The following AHNAK variants were observed in gnomAD, a reference collection of about 807,000 sequenced individuals.
The protein encoded by AHNAK is AHNAK nucleoprotein, also known as neuroblast differentiation-associated protein AHNAK.
Under a neutral mutation model 37.8 loss-of-function variants are expected in AHNAK, and 23 were observed. The ratio of observed to expected loss-of-function variants is 0.61; its 90% CI spans 0.44 to 0.86. The LOEUF is 0.86. AHNAK is among the 40% of genes least tolerant of loss of function. AHNAK has a pLI of 0.00. For synonymous variants in AHNAK, 2,481 were observed against 2,636.3 expected (o/e 0.94, Z 1.80); for missense variants, 7,411 against 7,319.4 (o/e 1.01, Z -0.46).
Position 62,521,045 on chromosome 11 carries a change from T to G in AHNAK, c.13372A>C (p.Lys4458Gln), listed in dbSNP as rs199522206. The change falls in exon 5 of 5, where the codon AAA (lysine) becomes CAA (glutamine). Residue 4458 changes from lysine to glutamine, a missense_variant. Coordinates refer to ENST00000378024, the MANE Select transcript of AHNAK (RefSeq NM_001620.3). ...AAATCAAAGTCAGGCATAGAGATTTTGGGAGCTTTGATGTTCATCTCAGGC... is the reference window on the plus strand; with the variant it reads ...AAATCAAAGTCAGGCATAGAGATTTGGGGAGCTTTGATGTTCATCTCAGGC... The part of the protein sequence containing the change: ...KMPEMNIKAP[K>Q]ISMPDFDLHL... 1.3e-5 allele frequency: 21 copies of G among 1,614,092 alleles called. No homozygotes were observed. In the African/African-American group the frequency reaches 2.4e-4, roughly 18 times the overall value.
chr11:62,518,638 G>C lies in AHNAK; in HGVS notation c.15779C>G (p.Pro5260Arg). The C allele has an allele frequency of 6.2e-7, 1 of 1,614,168 alleles. No individual in the cohort carries two copies. The highest frequency in any genetic ancestry group is 1.1e-5 in the South Asian group (1 of 91,078). ...TCCTCTCAAGTCTCCTTCAAGAGAG[G>C]GTAGCTGGGCATGGACCTCGGCTCC... Reference protein sequence around the residue: ...GGGAEVHAQLPSLEGDLRGPD... With the variant: ...GGGAEVHAQLRSLEGDLRGPD... The change falls in exon 5 of 5, where the codon CCC becomes CGC. Residue 5260 changes from proline to arginine, a missense_variant. By Grantham distance (103) the Pro-to-Arg change is moderately radical. Coordinates refer to ENST00000378024, the MANE Select transcript of AHNAK (RefSeq NM_001620.3).
rs772232674 is a variant in AHNAK at position 62,523,856 on chromosome 11, C to A, written c.10561G>T (p.Gly3521Cys). 6.8e-6 allele frequency: 11 copies of A among 1,614,006 alleles called. No individual in the cohort carries two copies. The highest frequency in any genetic ancestry group is 7.6e-6 in the Non-Finnish European group (9 of 1,180,014). Residue 3521 changes from glycine (G) to cysteine (C), a missense_variant, in exon 5 of 5, where the codon GGT (glycine) becomes TGT (cysteine). Coordinates refer to ENST00000378024, the MANE Select transcript of AHNAK (RefSeq NM_001620.3). ...NIEGPDLNVE[G>C]PEGGLKGPKF... ...GGACCTTTCAAGCCTCCCTCCGGAC[C>A]TTCCACATTGAGATCTGGGCCCTCA... is the stretch of plus-strand genomic sequence containing the variant.
rs1169277678 is a variant in AHNAK, at chr11:62,521,636, C to T, written c.12781G>A (p.Asp4261Asn). Residue 4261 changes from aspartate (D) to asparagine (N), a missense_variant, in exon 5 of 5, where the codon GAC (aspartate) becomes AAC (asparagine). Transcript: ENST00000378024. ...GGACCTTTCAGATGCAAATCAAAGT[C>T]AGGCATGGAGATCTTGGGGGCTTTG... ...NIKAPKISMP[D>N]FDLHLKGPKV... 6.8e-6 allele frequency: 11 copies of T among 1,613,698 alleles called. No individual in the cohort carries two copies. Among genetic ancestry groups the T allele is most frequent in the Non-Finnish European group, 9.3e-6 (11 of 1,179,954 alleles).
chr11:62,526,101 G>A lies in AHNAK; in HGVS notation c.8316C>T (p.Pro2772=), dbSNP rs777575752. ...WHLKMPKIKM[P]KISMPGFKGE... Reference sequence around the variant, plus strand: ...CTTTGAAGCCAGGCATGCTGATCTTGGGCATTTTTATCTTGGGCATCTTTA... The same window carrying A: ...CTTTGAAGCCAGGCATGCTGATCTTAGGCATTTTTATCTTGGGCATCTTTA... Residue 2772 remains proline (P), a synonymous_variant, in exon 5 of 5, where the codon CCC becomes CCT. Transcript: ENST00000378024. 2 of 1,608,138 alleles carry A rather than the reference G, an allele frequency of 1.2e-6. No individual in the cohort carries two copies. Among genetic ancestry groups the A allele is most frequent in the East Asian group, 2.3e-5 (1 of 44,418 alleles).
Position 62,525,569 on chromosome 11 carries a change from T to C in AHNAK, c.8848A>G (p.Lys2950Glu), listed in dbSNP as rs149476226. The part of the protein sequence containing the change: ...EGPEGKLKGP[K>E]FKMPEMNIKA... ...ATATTCATCTCTGGCATCTTGAACT[T>C]GGGCCCTTTCAACTTTCCCTCTGGT... The change falls in exon 5 of 5, where the codon AAG becomes GAG. Residue 2950 changes from lysine to glutamate, a missense_variant. Transcript: ENST00000378024. The C allele has an allele frequency of 3.2e-5, 51 of 1,613,894 alleles. No homozygotes were observed. Among genetic ancestry groups the C allele is most frequent in the Admixed American group, 1.3e-4 (8 of 59,990 alleles).
chr11:62,546,248 G>T (rs1941308852), intron 1 of AHNAK, among the ~76,000 whole-genome samples: 1 of 152,120 alleles, frequency 6.6e-6, no homozygotes. Context: ...CCGCGGTGGC[G>T]ATCTCGGAAA....
Position 62,517,332 on chromosome 11 carries a change from A to G in AHNAK, c.17085T>C (p.Ala5695=), listed in dbSNP as rs551280616. ...PKAEASIQAG[A]GDGEWEESEV... is the part of the protein sequence containing the mutation. Reference sequence around the variant, plus strand: ...CAGACTCTTCCCACTCGCCGTCTCCAGCACCAGCTTGGATGCTGGCCTCTG... The same window carrying G: ...CAGACTCTTCCCACTCGCCGTCTCCGGCACCAGCTTGGATGCTGGCCTCTG... Residue 5695 remains alanine (A), a synonymous_variant, in exon 5 of 5, where the codon GCT becomes GCC. Transcript: ENST00000378024. 1.2e-6 allele frequency: 2 copies of G among 1,614,230 alleles called. No individual in the cohort carries two copies. Among genetic ancestry groups the G allele is most frequent in the Admixed American group, 1.7e-5 (1 of 60,034 alleles).
chr11:62,545,314 C>T (rs2509967), intron 1 of AHNAK, among the ~76,000 whole-genome samples: 1 of 152,126 alleles, frequency 6.6e-6, no homozygotes, highest in Non-Finnish European at 1.5e-5. Flanking sequence ...TGTTGTGGGG[C>T]CTCGGCTACA....
intron 5 of AHNAK, among the ~76,000 whole-genome samples, chr11:62,441,115 C>T (rs1938296590): frequency 6.6e-6 from 1 of 152,032 alleles, no homozygotes; most frequent in African/African-American, 2.4e-5. Flanking sequence ...ATTCTCCTGC[C>T]TCAGTCTCCT....
intron 5 of AHNAK, chr11:62,433,950 A>G (rs1333184313): frequency 1.9e-6 from 3 of 1,595,992 alleles, no homozygotes; most frequent in Non-Finnish European, 2.6e-6. Flanking sequence ...TCTCCATAAA[A>G]TCAGAAGATG....
intron 5 of AHNAK, among the ~76,000 whole-genome samples, chr11:62,450,253 G>A (rs1938507710): frequency 6.6e-6 from 1 of 151,978 alleles, no homozygotes; most frequent in African/African-American, 2.4e-5. Context: ...TGCCTCCTGG[G>A]TTCAAGCAAT....
chr11:62,531,350 A>C lies in AHNAK; in HGVS notation c.3067T>G (p.Ser1023Ala), dbSNP rs902253214. 4 of 1,608,756 alleles carry C rather than the reference A, an allele frequency of 2.5e-6. No homozygotes were observed. The highest frequency in any genetic ancestry group is 3.4e-6 in the Non-Finnish European group (4 of 1,178,350). Reference sequence around the variant, plus strand: ...GCAGAAATGTCCACATTCGCTTTGGACAGGTTCACATCAAATTCTGGCCCC... The same window carrying C: ...GCAGAAATGTCCACATTCGCTTTGGCCAGGTTCACATCAAATTCTGGCCCC... ...GEGPEFDVNL[S>A]KANVDISAPK... Residue 1023 changes from serine to alanine, a missense_variant, in exon 5 of 5, where the codon TCC becomes GCC. Ser to Ala is a moderately conservative substitution (Grantham distance 99). Transcript: ENST00000378024.
At chr11:62,451,899 C>A (rs961967712) in intron 5 of AHNAK, among the ~76,000 whole-genome samples, 29 of 151,266 alleles carry the variant, frequency 1.9e-4, no homozygotes, top group African/African-American at 6.5e-4. Flanking sequence ...GCTCCGCCTC[C>A]CAGGTTCACG....
chr11:62,437,548 G>A (rs1407880532), intron 5 of AHNAK, among the ~76,000 whole-genome samples: 1 of 152,200 alleles, frequency 6.6e-6, no homozygotes, highest in East Asian at 1.9e-4. Flanking sequence ...TAGTAGAGAC[G>A]GGGTTTCACC....
chr11:62,537,832 G>A (rs1011801402), intron 1 of AHNAK, among the ~76,000 whole-genome samples: 11 of 151,914 alleles, frequency 7.2e-5, no homozygotes, highest in East Asian at 3.9e-4. Flanking sequence ...ACAGGCGCCC[G>A]CCACCATGCC....
chr11:62,462,852 C>T (rs1297425893), intron 5 of AHNAK, among the ~76,000 whole-genome samples: 2 of 152,032 alleles, frequency 1.3e-5, no homozygotes, highest in African/African-American at 4.8e-5. Flanking sequence ...GGCTTCAGGC[C>T]GGGTGCGGTG....
downstream of AHNAK, chr11:62,515,827 T>C: frequency 9.7e-7 from 1 of 1,026,854 alleles, no homozygotes; most frequent in Non-Finnish European, 1.2e-6. Flanking sequence ...GGATCCGGTC[T>C]GAACACTCAC....
chr11:62,518,579 G>C lies in AHNAK; in HGVS notation c.15838C>G (p.Leu5280Val). Residue 5280 changes from leucine to valine, a missense_variant, in exon 5 of 5, where the codon CTA (leucine) becomes GTA (valine). Transcript: ENST00000378024. ...GGCAAGTCTACTCCTGGCCCCTTTAGAGAAACATCGGGCCCTTCGAGCTTA... is the reference window on the plus strand; with the variant it reads ...GGCAAGTCTACTCCTGGCCCCTTTACAGAAACATCGGGCCCTTCGAGCTTA... The part of the protein sequence containing the change: ...DVKLEGPDVS[L>V]KGPGVDLPSV... The C allele has an allele frequency of 6.2e-7, 1 of 1,614,216 alleles. No homozygotes were observed. The highest frequency in any genetic ancestry group is 1.1e-5 in the South Asian group (1 of 91,082).
At position 62,532,052 on chromosome 11, in the gene AHNAK, C is replaced by G. The variant is rs746612995; in HGVS notation, c.2365G>C (p.Ala789Pro). Residue 789 changes from alanine (A) to proline (P), a missense_variant, in exon 5 of 5, where the codon GCT (alanine) becomes CCT (proline). By Grantham distance (27) the Ala-to-Pro change is conservative. Coordinates refer to ENST00000378024, the MANE Select transcript of AHNAK (RefSeq NM_001620.3). The stretch of plus-strand genomic sequence containing the variant: ...GGTTCCTCAATGCTCACATCAGGAG[C>G]AGTAACATCTATCTTGGGCCCGGAA... Reference protein sequence around the residue: ...DISGPKIDVTAPDVSIEEPEG... With the variant: ...DISGPKIDVTPPDVSIEEPEG... 6.2e-7 allele frequency: 1 copy of G among 1,613,208 alleles called. No homozygotes were observed. The highest frequency in any genetic ancestry group is 2.2e-5 in the East Asian group (1 of 44,836).
Sources: gnomAD v4.1 joint callset for allele counts (sites outside exome capture counted in the v4.1 genomes callset) on GRCh38, gnomAD v4.1.1 for gene constraint, MANE v1.5 for transcripts, NCBI Gene and HGNC (gene_info 2026-07-23, HGNC 2026-07-21) for gene names.